The following SIM1 variants were observed in gnomAD, a reference collection of about 807,000 sequenced individuals.
The protein encoded by SIM1 is single-minded homolog 1.
Under a neutral mutation model 78.2 loss-of-function variants are expected in SIM1, and 18 were observed. The observed-to-expected ratio is 0.23, with a 90% CI of 0.16 to 0.34. The LOEUF is 0.34. SIM1 is among the 10% of genes least tolerant of loss of function. SIM1 has a pLI of 1.00. For missense variants in SIM1, 939 were observed against 975.1 expected (o/e 0.96, Z 0.49); for synonymous variants, 417 against 385.2 (o/e 1.08, Z -0.97).
chr6:100,402,588 T>G (rs1582610639), intron 10 of SIM1, among the ~76,000 whole-genome samples: 1 of 121,230 alleles, frequency 8.2e-6, no homozygotes, highest in Admixed American at 8.6e-5. Flanking sequence ...TTTTTTTTTT[T>G]TTTTTTTGAG....
rs1438253353 is a variant in SIM1 at position 100,436,742 on chromosome 6, A to T, written c.998+10526T>A. Among the ~76,000 whole-genome samples the T allele has an allele frequency of 2.5e-3, 341 of 134,174 alleles. 2 individuals carry two copies. The highest frequency in any genetic ancestry group is 4.1e-3 in the Non-Finnish European group (256 of 62,860). 88.0% of individuals were successfully genotyped at this position (134,174 alleles called of 152,430 possible). The stretch of plus-strand genomic sequence containing the variant: ...TTTTGTTTTTGTTTTTGTTTTTGGT[A>T]TTTTTTTTTTTTTTTGAGATGGCCT... On this transcript the variant is annotated intron_variant, in intron 9 of 11. Transcript: ENST00000369208.
intron 10 of SIM1, among the ~76,000 whole-genome samples, chr6:100,409,965 G>A (rs1174010672): frequency 6.6e-6 from 1 of 152,132 alleles, no homozygotes; most frequent in East Asian, 1.9e-4. Context: ...TCTGGAAAAT[G>A]TTCCGCATGA....
chr6:100,440,249 A>G (rs1772173847), intron 9 of SIM1, among the ~76,000 whole-genome samples: 1 of 152,200 alleles, frequency 6.6e-6, no homozygotes, highest in Non-Finnish European at 1.5e-5. Flanking sequence ...ATGGGGCAAC[A>G]GAGGGTCAAA....
Position 100,463,659 on chromosome 6 carries a change from T to C in SIM1, c.-191A>G, listed in dbSNP as rs1008887090. The C allele has an allele frequency of 1.5e-5, 8 of 536,016 alleles. No individual in the cohort carries two copies. The highest frequency in any genetic ancestry group is 3.3e-4 in the Middle Eastern group (1 of 3,034). The allele number at this position is 536,016 out of a possible 1,614,324, so 33.2% of individuals were successfully genotyped here. A position where few individuals can be genotyped will look rare whatever the true frequency, so the allele number is the denominator to read the frequency against. ...GACCAGCGGGGGTGAACGGAAAATA[T>C]GTTCTTTGAAAATTCGGGATGCAGT... On this transcript the variant is annotated 5_prime_UTR_variant, in exon 2 of 12. Coordinates refer to ENST00000369208, the MANE Select transcript of SIM1 (RefSeq NM_005068.3).
At position 100,390,342 on chromosome 6, in the gene SIM1, A is replaced by C; in HGVS notation, c.*19T>G. On this transcript the variant is annotated 3_prime_UTR_variant, in exon 12 of 12. Coordinates refer to ENST00000369208, the MANE Select transcript of SIM1 (RefSeq NM_005068.3). ...TATGTTTCAGAGATCCTTAAAGAAC[A>C]AAATATTTCAGCAAAACATCAGCTT... 6.2e-7 allele frequency: 1 copy of C among 1,601,596 alleles called. No individual in the cohort carries two copies. Among genetic ancestry groups the C allele is most frequent in the Middle Eastern group, 1.7e-4 (1 of 5,974 alleles).
At chr6:100,461,815 TTTC>T (rs1178729001) in intron 2 of SIM1, among the ~76,000 whole-genome samples, 12 of 147,716 alleles carry the variant, frequency 8.1e-5, no homozygotes, top group Non-Finnish European at 1.5e-5. Flanking sequence ...TCCCCTTCTT[TTTC>T]TTCTTTTTTT....
At chr6:100,450,381 T>A (rs753478186) in intron 3 of SIM1, 25 bp from the exon 4 acceptor site, 21 of 1,602,560 alleles carry the variant, frequency 1.3e-5, no homozygotes, top group Non-Finnish European at 1.8e-5. Flanking sequence ...ATAGAGAGAA[T>A]AGAGAGCCCT....
chr6:100,402,755 T>C (rs1770955903), intron 10 of SIM1, among the ~76,000 whole-genome samples: 1 of 151,978 alleles, frequency 6.6e-6, no homozygotes, highest in African/African-American at 2.4e-5. Flanking sequence ...TTTTTTGTAT[T>C]TTTAGTAGAG....
At chr6:100,419,505 T>C (rs771707688) in intron 10 of SIM1, among the ~76,000 whole-genome samples, 6 of 152,196 alleles carry the variant, frequency 3.9e-5, no homozygotes, top group Non-Finnish European at 7.4e-5. Flanking sequence ...CAGAATAACA[T>C]AACTCTGACA....
At chr6:100,461,418 G>T (rs1227840228) in intron 2 of SIM1, among the ~76,000 whole-genome samples, 8 of 152,206 alleles carry the variant, frequency 5.3e-5, no homozygotes, top group African/African-American at 1.9e-4. Flanking sequence ...GGGCTCTCCC[G>T]GCCGGCTCGG....
Position 100,393,885 on chromosome 6 carries a change from G to T in SIM1, c.1172C>A (p.Ser391Ter), listed in dbSNP as rs776179887. Residue 391 changes from serine (S) to a stop codon, truncating the protein, a stop_gained, in exon 11 of 12, where the codon TCG becomes TAG. Coordinates refer to ENST00000369208, the MANE Select transcript of SIM1 (RefSeq NM_005068.3). LOFTEE classifies it high-confidence loss of function. ...TTCCGATCTTTCTGTGTGAAATCCC[G>T]AATACTGAAACCGAGTAGGGGAGAA... ...KSRTSPYPQY[S>*]GFHTERSESD... The T allele has an allele frequency of 6.5e-7, 1 of 1,547,552 alleles. No individual in the cohort carries two copies. Among genetic ancestry groups the T allele is most frequent in the South Asian group, 1.2e-5 (1 of 81,500 alleles).
intron 10 of SIM1, among the ~76,000 whole-genome samples, chr6:100,398,472 T>A (rs2114470835): frequency 6.6e-6 from 1 of 152,192 alleles, no homozygotes; most frequent in African/African-American, 2.4e-5. Context: ...ACCATTCTAA[T>A]TTCTGTCTCT....
chr6:100,408,292 T>C (rs1771101459), intron 10 of SIM1, among the ~76,000 whole-genome samples: 1 of 152,080 alleles, frequency 6.6e-6, no homozygotes, highest in Non-Finnish European at 1.5e-5. Flanking sequence ...TCTATTCTCT[T>C]CCACTGGGGT....
At position 100,388,222 on chromosome 6, in the gene SIM1, C is replaced by T. The variant is rs1770555405; in HGVS notation, c.*2139G>A. 1 of 152,102 alleles carries T rather than the reference C, an allele frequency of 6.6e-6. No individual in the cohort carries two copies. Among genetic ancestry groups the T allele is most frequent in the Non-Finnish European group, 1.5e-5 (1 of 68,006 alleles). The allele number at this position is 152,102 out of a possible 1,614,324, so 9.4% of individuals were successfully genotyped here. On this transcript the variant is annotated 3_prime_UTR_variant, in exon 12 of 12. Transcript: ENST00000369208. ...CAGGGAGTTGGTTCCAGGATTACCC[C>T]CATATAATCAAATTCTCACATACTC...
intron 9 of SIM1, among the ~76,000 whole-genome samples, chr6:100,445,166 C>G (rs935161049): frequency 3.3e-5 from 5 of 152,176 alleles, no homozygotes; most frequent in Admixed American, 2.6e-4. Context: ...ATCAAACAAA[C>G]TGCAACCTGT....
chr6:100,415,967 A>G (rs573773508), intron 10 of SIM1, among the ~76,000 whole-genome samples: 2 of 152,284 alleles, frequency 1.3e-5, no homozygotes, highest in African/African-American at 2.4e-5. Flanking sequence ...AGGTTCACTA[A>G]GATAGGGAAG....
At chr6:100,432,060 T>C (rs1176649266) in intron 9 of SIM1, among the ~76,000 whole-genome samples, 3 of 152,076 alleles carry the variant, frequency 2.0e-5, no homozygotes, top group South Asian at 2.1e-4. Context: ...GCAGGAAGAT[T>C]GATTGAGCCC....
chr6:100,393,092 A>G (rs1770680070), intron 11 of SIM1, among the ~76,000 whole-genome samples: 1 of 152,208 alleles, frequency 6.6e-6, no homozygotes. Context: ...ACATATCAAT[A>G]GTGCCCTCAT....
chr6:100,458,748 C>T (rs576218000), intron 2 of SIM1, among the ~76,000 whole-genome samples: 8 of 151,964 alleles, frequency 5.3e-5, no homozygotes, highest in African/African-American at 1.4e-4. Context: ...CCCCTGTCGG[C>T]CCTGCGCCGC....
Sources: gnomAD v4.1 joint callset for allele counts (sites outside exome capture counted in the v4.1 genomes callset) on GRCh38, gnomAD v4.1.1 for gene constraint, MANE v1.5 for transcripts, NCBI Gene and HGNC (gene_info 2026-07-23, HGNC 2026-07-21) for gene names.